Variants in ZNF804A observed in about 807,000 individuals in gnomAD.
The protein encoded by ZNF804A is zinc finger protein 804A.
ZNF804A carries 2 observed loss-of-function variants against 16.5 expected under a neutral mutation model. The observed-to-expected ratio is 0.12, with a 90% confidence interval of 0.05 to 0.38. The LOEUF is 0.38. Among genes scored for constraint, ZNF804A ranks in the 10% least tolerant of loss-of-function variants. ZNF804A has a pLI of 0.99. For synonymous variants in ZNF804A, 534 were observed against 489.6 expected (o/e 1.09, Z -1.20); for missense variants, 1,473 against 1,390.7 (o/e 1.06, Z -0.94).
intron 2 of ZNF804A, among the ~76,000 whole-genome samples, chr2:184,882,797 G>T (rs1244339029): frequency 6.6e-6 from 1 of 152,010 alleles, no homozygotes; most frequent in Non-Finnish European, 1.5e-5. Context: ...TGTTAAGAGG[G>T]AGGTTTATAG....
intron 1 of ZNF804A, among the ~76,000 whole-genome samples, chr2:184,669,993 C>A (rs1692318137): frequency 6.6e-6 from 1 of 151,976 alleles, no homozygotes; most frequent in Admixed American, 6.6e-5. Flanking sequence ...AATGTTTGTT[C>A]ATATGAAAAT....
intron 1 of ZNF804A, among the ~76,000 whole-genome samples, chr2:184,801,199 T>C (rs183149568): frequency 6.6e-6 from 1 of 152,282 alleles, no homozygotes; most frequent in East Asian, 1.9e-4. Flanking sequence ...CTTTAATCGG[T>C]ATTGTGTTTC....
intron 2 of ZNF804A, among the ~76,000 whole-genome samples, chr2:184,910,312 C>T (rs539104311): frequency 6.6e-6 from 1 of 151,888 alleles, no homozygotes; most frequent in Non-Finnish European, 1.5e-5. Context: ...TTTTGTTCTT[C>T]TTTATGGCTG....
chr2:184,848,075 A>G (rs777325160), intron 1 of ZNF804A, among the ~76,000 whole-genome samples: 17 of 151,934 alleles, frequency 1.1e-4, no homozygotes, highest in Non-Finnish European at 1.5e-4. Context: ...GATTGACTCA[A>G]TCTTCAGCCC....
At chr2:184,648,215 A>G (rs1230074212) in intron 1 of ZNF804A, among the ~76,000 whole-genome samples, 1 of 152,220 alleles carries the variant, frequency 6.6e-6, no homozygotes, top group Non-Finnish European at 1.5e-5. Flanking sequence ...GAAGCACTAG[A>G]TAATTTATTA....
At position 184,938,969 on chromosome 2, in the gene ZNF804A, C is replaced by A; in HGVS notation, c.3573C>A (p.Leu1191=). The A allele has an allele frequency of 6.2e-7, 1 of 1,614,008 alleles. No individual in the cohort carries two copies. Among genetic ancestry groups the A allele is most frequent in the Non-Finnish European group, 8.5e-7 (1 of 1,179,996 alleles). ...CTTTCCCATCTTTACCCCATGCACTCTTTCCTTCACTGCTTTCCCCACACC... is the reference window on the plus strand; with the variant it reads ...CTTTCCCATCTTTACCCCATGCACTATTTCCTTCACTGCTTTCCCCACACC... ...HLAFPSLPHA[L]FPSLLSPHPT... The change falls in exon 4 of 4, where the codon CTC becomes CTA. Residue 1191 remains leucine (L), a synonymous_variant. Coordinates refer to ENST00000302277, the MANE Select transcript of ZNF804A (RefSeq NM_194250.2).
chr2:184,774,023 T>C (rs1012148719), intron 1 of ZNF804A, among the ~76,000 whole-genome samples: 4 of 151,836 alleles, frequency 2.6e-5, no homozygotes, highest in Admixed American at 1.3e-4. Context: ...GAAAAATACT[T>C]AGTCTGCTGT....
At chr2:184,806,897 T>G (rs1033515176) in intron 1 of ZNF804A, among the ~76,000 whole-genome samples, 22 of 151,920 alleles carry the variant, frequency 1.4e-4, no homozygotes, top group African/African-American at 5.3e-4. Flanking sequence ...TATTAAAGTC[T>G]TTATTTAAAT....
chr2:184,769,713 G>C (rs1461022876), intron 1 of ZNF804A, among the ~76,000 whole-genome samples: 1 of 151,996 alleles, frequency 6.6e-6, no homozygotes, highest in African/African-American at 2.4e-5. Flanking sequence ...GGAAAGCCAT[G>C]ATAGCCCAGA....
intron 1 of ZNF804A, among the ~76,000 whole-genome samples, chr2:184,785,801 A>T (rs919047631): frequency 6.6e-6 from 1 of 152,140 alleles, no homozygotes; most frequent in Non-Finnish European, 1.5e-5. Context: ...ATGCATACAC[A>T]TATACCTGTA....
chr2:184,603,809 A>G (rs999470456), intron 1 of ZNF804A, among the ~76,000 whole-genome samples: 3 of 152,156 alleles, frequency 2.0e-5, no homozygotes, highest in Non-Finnish European at 4.4e-5. Context: ...TTATATATTC[A>G]ATATTAAAGA....
intron 2 of ZNF804A, among the ~76,000 whole-genome samples, chr2:184,877,709 G>A (rs753058081): frequency 2.6e-5 from 4 of 151,972 alleles, no homozygotes; most frequent in Non-Finnish European, 5.9e-5. Flanking sequence ...TTTCTTTGAA[G>A]CTTTCCAGAA....
intron 1 of ZNF804A, among the ~76,000 whole-genome samples, chr2:184,803,378 T>A (rs114182926): frequency 9.3e-4 from 142 of 152,328 alleles, no homozygotes; most frequent in African/African-American, 3.3e-3. Flanking sequence ...ACCCCTTGCC[T>A]TCCTTTATAT....
At chr2:184,853,899 T>C (rs1402953434) in intron 1 of ZNF804A, among the ~76,000 whole-genome samples, 1 of 150,912 alleles carries the variant, frequency 6.6e-6, no homozygotes, top group African/African-American at 2.4e-5. Context: ...TATCCTTGTC[T>C]GATTTTCATA....
chr2:184,787,003 G>T (rs768043310), intron 1 of ZNF804A, among the ~76,000 whole-genome samples: 3 of 151,672 alleles, frequency 2.0e-5, no homozygotes, highest in African/African-American at 7.3e-5. Context: ...ACTTGTGCTT[G>T]TTTGTTCCAC....
chr2:184,820,472 C>T (rs796462820), intron 1 of ZNF804A, among the ~76,000 whole-genome samples: 16 of 151,984 alleles, frequency 1.1e-4, no homozygotes, highest in Non-Finnish European at 1.6e-4. Context: ...ACTGAATGGG[C>T]AAAAACTGGA....
chr2:184,856,476 A>G (rs188349047), intron 1 of ZNF804A, among the ~76,000 whole-genome samples: 1 of 152,198 alleles, frequency 6.6e-6, no homozygotes, highest in East Asian at 1.9e-4. Flanking sequence ...TGGGGTTGCT[A>G]CTGTGTTGCT....
Position 184,938,952 on chromosome 2 carries a change from T to G in ZNF804A, c.3556T>G (p.Ser1186Ala). 1.2e-6 allele frequency: 2 copies of G among 1,613,364 alleles called. No homozygotes were observed. Among genetic ancestry groups the G allele is most frequent in the Non-Finnish European group, 1.7e-6 (2 of 1,179,808 alleles). The change falls in exon 4 of 4, where the codon TCT (serine) becomes GCT (alanine). Residue 1186 changes from serine (S) to alanine (A), a missense_variant. Physicochemically the swap from Ser to Ala is moderately conservative, Grantham distance 99. Transcript: ENST00000302277. ...TCATCCTAGCCATCTGGCTTTCCCA[T>G]CTTTACCCCATGCACTCTTTCCTTC... ...VLHPSHLAFP[S>A]LPHALFPSLL...
chr2:184,692,389 C>T (rs1692746663), intron 1 of ZNF804A, among the ~76,000 whole-genome samples: 1 of 152,164 alleles, frequency 6.6e-6, no homozygotes, highest in Non-Finnish European at 1.5e-5. Flanking sequence ...TGTAGGTTTC[C>T]TGCCAACCAC....
Sources: allele counts gnomAD v4.1 joint callset (sites outside exome capture counted in the v4.1 genomes callset), GRCh38; gene constraint gnomAD v4.1.1; transcripts MANE v1.5; gene names NCBI Gene and HGNC (gene_info 2026-07-23, HGNC 2026-07-21).